Variants in MYT1L observed in about 807,000 individuals in gnomAD.
MYT1L encodes myelin transcription factor 1 like.
A neutral mutation model predicts 126.7 loss-of-function variants in MYT1L; 12 were observed. The observed-to-expected ratio is 0.09, with a 90% confidence interval of 0.06 to 0.15. MYT1L has a LOEUF of 0.15. Among genes scored for constraint, MYT1L ranks in the 10% least tolerant of loss-of-function variants. MYT1L has a pLI of 1.00. For missense variants in MYT1L, 979 were observed against 1,585.2 expected, an observed-to-expected ratio of 0.62 and a Z score of 6.49; for synonymous variants, 541 against 604.2, an observed-to-expected ratio of 0.90 and a Z score of 1.53.
At chr2:2,257,485 A>C (rs987343014) in intron 2 of MYT1L, among the ~76,000 whole-genome samples, 1 of 152,160 alleles carries the variant, frequency 6.6e-6, no homozygotes, top group African/African-American at 2.4e-5. Flanking sequence ...GAGAGATGCC[A>C]TTCAAGGAAC....
At chr2:1,842,412 C>A (rs1661820380) in intron 19 of MYT1L, 1 of 152,352 alleles carries the variant, frequency 6.6e-6, no homozygotes, top group South Asian at 2.1e-4. Flanking sequence ...TGCTGCCCCA[C>A]CTCCTGGAGC....
At chr2:2,067,347 C>A (rs559055255) in intron 3 of MYT1L, among the ~76,000 whole-genome samples, 1 of 152,172 alleles carries the variant, frequency 6.6e-6, no homozygotes, top group Non-Finnish European at 1.5e-5. Flanking sequence ...TATTCCTTAA[C>A]AAGTAGAATG....
intron 1 of MYT1L, among the ~76,000 whole-genome samples, chr2:2,310,785 A>G (rs980387037): frequency 6.6e-6 from 1 of 152,150 alleles, no homozygotes; most frequent in African/African-American, 2.4e-5. Context: ...GGTCTATAAA[A>G]TATCTGAGAC....
At chr2:1,828,737 A>G (rs1444231948) in intron 21 of MYT1L, 1 of 152,236 alleles carries the variant, frequency 6.6e-6, no homozygotes, top group African/African-American at 2.4e-5. Context: ...ATCAAGCAAG[A>G]CAAACATTCT....
At chr2:1,833,541 C>T (rs752729318) in intron 21 of MYT1L, among the ~76,000 whole-genome samples, 3 of 152,164 alleles carry the variant, frequency 2.0e-5, no homozygotes, top group Non-Finnish European at 2.9e-5. Context: ...CTGACTCCTC[C>T]GTCCTGGGCT....
intron 3 of MYT1L, among the ~76,000 whole-genome samples, chr2:2,109,689 G>T (rs1434898038): frequency 6.6e-6 from 1 of 151,734 alleles, no homozygotes; most frequent in East Asian, 1.9e-4. Context: ...GAAGTCTCTA[G>T]AACAAGTATT....
chr2:2,077,800 G>A (rs539908153), intron 3 of MYT1L, among the ~76,000 whole-genome samples: 21 of 152,224 alleles, frequency 1.4e-4, no homozygotes, highest in East Asian at 1.3e-3. Flanking sequence ...AAGACGTGTC[G>A]TTTTAGAAAT....
At chr2:1,819,171 A>C (rs1198370842) in intron 21 of MYT1L, among the ~76,000 whole-genome samples, 1 of 152,206 alleles carries the variant, frequency 6.6e-6, no homozygotes, top group Non-Finnish European at 1.5e-5. Context: ...AGCCACTGCT[A>C]TTCGGCAGTG....
intron 3 of MYT1L, among the ~76,000 whole-genome samples, chr2:2,151,973 T>C (rs139249463): frequency 0.04 from 6,115 of 152,252 alleles, 158 homozygotes; most frequent in South Asian, 0.083. Flanking sequence ...GGAGAATCAC[T>C]TGAACCCGGG....
intron 3 of MYT1L, among the ~76,000 whole-genome samples, chr2:2,097,699 G>A (rs1178746822): frequency 6.6e-6 from 1 of 152,158 alleles, no homozygotes; most frequent in Non-Finnish European, 1.5e-5. Flanking sequence ...AAGGATGTGA[G>A]GGGAGCATCC....
At chr2:2,073,085 AGG>A (rs1043361441) in intron 3 of MYT1L, among the ~76,000 whole-genome samples, 3 of 152,174 alleles carry the variant, frequency 2.0e-5, no homozygotes, top group Admixed American at 2.0e-4. Context: ...GACATTCATA[AGG>A]GCTTTACTCT....
At chr2:2,317,169 C>T (rs138933827) in intron 1 of MYT1L, among the ~76,000 whole-genome samples, 224 of 152,206 alleles carry the variant, frequency 1.5e-3, no homozygotes, top group African/African-American at 5.1e-3. Context: ...ATGAATTTCA[C>T]GTCAACCTGC....
At chr2:1,837,715 T>C (rs930363989) in intron 21 of MYT1L, among the ~76,000 whole-genome samples, 1 of 152,070 alleles carries the variant, frequency 6.6e-6, no homozygotes, top group East Asian at 1.9e-4. Flanking sequence ...CCCTGTCTGC[T>C]GGGCCCTGGG....
chr2:2,032,743 G>A (rs1209098105), intron 4 of MYT1L, among the ~76,000 whole-genome samples: 4 of 69,932 alleles, frequency 5.7e-5, no homozygotes, highest in Non-Finnish European at 1.1e-4. Context: ...ACACACACCC[G>A]TCGCCAGTGC....
chr2:2,007,351 G>A (rs1471276581), intron 4 of MYT1L, among the ~76,000 whole-genome samples: 2 of 152,084 alleles, frequency 1.3e-5, no homozygotes, highest in South Asian at 2.1e-4. Flanking sequence ...TTGGATAATA[G>A]CTGTAAACCA....
intron 21 of MYT1L, among the ~76,000 whole-genome samples, chr2:1,838,433 G>A (rs2041194054): frequency 6.6e-6 from 1 of 152,172 alleles, no homozygotes; most frequent in African/African-American, 2.4e-5. Context: ...ATATAGGGCA[G>A]CAGAAAGGAA....
chr2:2,168,812 C>T (rs918412838), intron 3 of MYT1L, among the ~76,000 whole-genome samples: 1 of 152,150 alleles, frequency 6.6e-6, no homozygotes, highest in Non-Finnish European at 1.5e-5. Flanking sequence ...GTTTTTACTT[C>T]CAAGAAATAA....
chr2:1,890,712 A>C (rs1365577480), intron 15 of MYT1L, among the ~76,000 whole-genome samples: 1 of 152,054 alleles, frequency 6.6e-6, no homozygotes, highest in Non-Finnish European at 1.5e-5. Context: ...CACTCTCCTT[A>C]GCAAAATTTG....
At chr2:2,182,444 T>C (rs536955702) in intron 2 of MYT1L, among the ~76,000 whole-genome samples, 102 of 152,330 alleles carry the variant, frequency 6.7e-4, no homozygotes, top group African/African-American at 2.3e-3. Flanking sequence ...AGGAAGATGT[T>C]TGCAATAGTA....
Sources: allele counts gnomAD v4.1 joint callset (sites outside exome capture counted in the v4.1 genomes callset), GRCh38; gene constraint gnomAD v4.1.1; transcripts MANE v1.5; gene names NCBI Gene and HGNC (gene_info 2026-07-23, HGNC 2026-07-21).